The following SCAMP1 variants were observed in gnomAD, a reference collection of about 807,000 sequenced individuals.
The protein encoded by SCAMP1 is secretory carrier membrane protein 1.
A neutral mutation model predicts 41.8 loss-of-function variants in SCAMP1; 15 were observed. The observed-to-expected ratio is 0.36, with a 90% CI of 0.24 to 0.55. SCAMP1 has a LOEUF of 0.55. SCAMP1 is among the 20% of genes least tolerant of loss of function. SCAMP1 has a pLI of 0.86. For synonymous variants in SCAMP1, 135 were observed against 136.8 expected, an observed-to-expected ratio of 0.99 and a Z score of 0.09; for missense variants, 341 against 412.6, an observed-to-expected ratio of 0.83 and a Z score of 1.50.
intron 1 of SCAMP1, among the ~76,000 whole-genome samples, chr5:78,362,460 C>G (rs1022170157): frequency 6.6e-6 from 1 of 152,198 alleles, no homozygotes; most frequent in Non-Finnish European, 1.5e-5. Flanking sequence ...TTCTGACATT[C>G]ATAAAGTTGC....
intron 8 of SCAMP1, among the ~76,000 whole-genome samples, chr5:78,468,475 T>C (rs1213548929): frequency 6.6e-6 from 1 of 152,154 alleles, no homozygotes; most frequent in Non-Finnish European, 1.5e-5. Flanking sequence ...ATCCAAAACT[T>C]TTCCCTTCTG....
intron 6 of SCAMP1, among the ~76,000 whole-genome samples, chr5:78,447,836 C>T (rs1753091206): frequency 8.5e-6 from 1 of 117,626 alleles, no homozygotes; most frequent in Non-Finnish European, 1.8e-5. Flanking sequence ...CCCTCCCCTC[C>T]CTTCTTTCCC....
chr5:78,460,835 CTCT>C (rs1753590909), intron 8 of SCAMP1, among the ~76,000 whole-genome samples: 1 of 87,808 alleles, frequency 1.1e-5, no homozygotes, highest in African/African-American at 5.8e-5. Context: ...CTTGTCTTTC[CTCT>C]ATCTGTCTCT....
intron 6 of SCAMP1, among the ~76,000 whole-genome samples, chr5:78,434,817 T>C (rs998396959): frequency 6.6e-6 from 1 of 152,216 alleles, no homozygotes; most frequent in African/African-American, 2.4e-5. Flanking sequence ...AAATCCCTGT[T>C]ACTGTTACAG....
intron 2 of SCAMP1, among the ~76,000 whole-genome samples, chr5:78,412,430 G>A (rs926500198): frequency 1.3e-5 from 2 of 151,516 alleles, no homozygotes; most frequent in Non-Finnish European, 2.9e-5. Context: ...ATTCTTTTGA[G>A]ATACAGGGAT....
In SCAMP1 at chr5:78,421,991, TTAAA is replaced by T. The variant is rs757892218; in HGVS notation, c.632+32_632+35del. ...ATGTGTGTACTTTAAAATACACTCT[TTAAA>T]ACCTGTGAAGTAAATAATTCGTAGT... On this transcript the variant is annotated intron_variant, in intron 6 of 8. Coordinates refer to ENST00000621999, the MANE Select transcript of SCAMP1 (RefSeq NM_004866.6). 9 of 1,555,256 alleles carry T rather than the reference TTAAA, an allele frequency of 5.8e-6. No homozygotes were observed. In the African/African-American group the frequency reaches 1.2e-4, roughly 21 times the overall value.
chr5:78,412,705 C>A (rs1428534567), intron 2 of SCAMP1, among the ~76,000 whole-genome samples: 1 of 152,062 alleles, frequency 6.6e-6, no homozygotes, highest in Non-Finnish European at 1.5e-5. Context: ...TGACCTCTTT[C>A]TATTGCTTGT....
intron 2 of SCAMP1, among the ~76,000 whole-genome samples, chr5:78,403,411 TAC>T (rs911124216): frequency 1.3e-5 from 2 of 152,164 alleles, no homozygotes; most frequent in African/African-American, 2.4e-5. Context: ...TGTATATATA[TAC>T]ACACACAAGA....
At chr5:78,453,117 T>C (rs1258132650) in intron 7 of SCAMP1, among the ~76,000 whole-genome samples, 1 of 150,836 alleles carries the variant, frequency 6.6e-6, no homozygotes, top group Non-Finnish European at 1.5e-5. Flanking sequence ...TGCGAAAATT[T>C]TCTCCCATTT....
chr5:78,438,110 C>T (rs564029625), intron 6 of SCAMP1, among the ~76,000 whole-genome samples: 1 of 152,174 alleles, frequency 6.6e-6, no homozygotes, highest in Non-Finnish European at 1.5e-5. Flanking sequence ...CTCTTTTCTT[C>T]TTTATCAGTC....
At position 78,446,170 on chromosome 5, in the gene SCAMP1, CTG is replaced by C. The variant is rs370757046; in HGVS notation, c.633-3761_633-3760del. ...CTAACTGTGCATTTGTGTGTACTAA[CTG>C]TACATACAGAAAGAGGAAGGTGGAC... On this transcript the variant is annotated intron_variant, in intron 6 of 8. Coordinates refer to ENST00000621999, the MANE Select transcript of SCAMP1 (RefSeq NM_004866.6). Among the ~76,000 whole-genome samples the C allele has an allele frequency of 3.2e-4, 49 of 152,306 alleles. 1 individual carries two copies. The East Asian group carries it at 9.2e-3, about 29-fold the overall frequency.
chr5:78,426,379 C>T (rs1752470764), intron 6 of SCAMP1, among the ~76,000 whole-genome samples: 1 of 152,168 alleles, frequency 6.6e-6, no homozygotes, highest in Non-Finnish European at 1.5e-5. Context: ...CACTGTCTTC[C>T]ACAATGGTTG....
At chr5:78,469,900 AAAAAAAAAAAAAC>A (rs551476546) in intron 8 of SCAMP1, among the ~76,000 whole-genome samples, 9 of 37,920 alleles carry the variant, frequency 2.4e-4, no homozygotes, top group East Asian at 8.1e-4. Flanking sequence ...TAAAAAAAAA[AAAAAAAAAAAAAC>A]AAAAAAAAAA....
In SCAMP1 at chr5:78,423,674, C is replaced by CTTT. The variant is rs71613954; in HGVS notation, c.632+1722_632+1724dup. On this transcript the variant is annotated intron_variant, in intron 6 of 8. Coordinates refer to ENST00000621999, the MANE Select transcript of SCAMP1 (RefSeq NM_004866.6). ...TTTATTTCCTGAAGTCACTTGGTAT[C>CTTT]TTTTTTTTTTCCCCCATTTTGGCAG... Among the ~76,000 whole-genome samples, 10 of 149,306 alleles carry CTTT rather than the reference C, an allele frequency of 6.7e-5. 1 individual carries two copies. Among genetic ancestry groups the CTTT allele is most frequent in the Admixed American group, 2.7e-4 (4 of 15,008 alleles).
intron 2 of SCAMP1, among the ~76,000 whole-genome samples, chr5:78,398,678 G>T (rs942578944): frequency 1.3e-5 from 2 of 150,168 alleles, no homozygotes; most frequent in South Asian, 2.1e-4. Flanking sequence ...TGAGTAGCTG[G>T]GATTACAGGT....
rs1752217329 is a variant in SCAMP1, at chr5:78,416,666, T to A, written c.343+17T>A. 6.5e-7 allele frequency: 1 copy of A among 1,536,586 alleles called. No individual in the cohort carries two copies. The highest frequency in any genetic ancestry group is 1.4e-5 in the African/African-American group (1 of 71,900). ...GTCAACATGGTAGTATCCAAAGAAA[T>A]TTGAAATAAAAATAACTTTTAAATA... is the stretch of plus-strand genomic sequence containing the variant. On this transcript the variant is annotated intron_variant, in intron 4 of 8. Coordinates refer to ENST00000621999, the MANE Select transcript of SCAMP1 (RefSeq NM_004866.6).
chr5:78,437,861 G>T (rs1249520563), intron 6 of SCAMP1, among the ~76,000 whole-genome samples: 1 of 152,134 alleles, frequency 6.6e-6, no homozygotes, highest in Non-Finnish European at 1.5e-5. Context: ...TATTTGGTTG[G>T]TAGGCTATTA....
intron 8 of SCAMP1, among the ~76,000 whole-genome samples, chr5:78,461,936 T>G (rs1753625207): frequency 6.6e-6 from 1 of 152,212 alleles, no homozygotes; most frequent in Non-Finnish European, 1.5e-5. Context: ...ATTCAGACTC[T>G]TTTTGGTTCC....
chr5:78,458,758 T>A (rs542786595), intron 7 of SCAMP1, among the ~76,000 whole-genome samples: 9 of 152,176 alleles, frequency 5.9e-5, no homozygotes, highest in African/African-American at 2.2e-4. Context: ...CACGCACCTG[T>A]AATCCCAGCT....
Sources: allele counts gnomAD v4.1 joint callset (sites outside exome capture counted in the v4.1 genomes callset), GRCh38; gene constraint gnomAD v4.1.1; transcripts MANE v1.5; gene names NCBI Gene and HGNC (gene_info 2026-07-23, HGNC 2026-07-21).